TGM7: variants seen among roughly 807,000 people sequenced by gnomAD.
The protein encoded by TGM7 is transglutaminase 7.
A neutral mutation model predicts 79.5 loss-of-function variants in TGM7; 74 were observed. The ratio of observed to expected loss-of-function variants is 0.93; its 90% CI spans 0.77 to 1.13. The LOEUF is 1.13. Among genes scored for constraint, TGM7 ranks in the 50% most tolerant of loss-of-function variants. TGM7 has a pLI of 0.00. For missense variants in TGM7, 912 were observed against 905.9 expected (o/e 1.01, Z -0.09); for synonymous variants, 354 against 362.5 (o/e 0.98, Z 0.27).
chr15:43,296,159 C>G (rs748646643), intron 1 of TGM7, among the ~76,000 whole-genome samples: 27 of 152,172 alleles, frequency 1.8e-4, no homozygotes, highest in Non-Finnish European at 3.5e-4. Context: ...GGTGAGGTGG[C>G]TCACGCCTGT....
chr15:43,290,690 C>T (rs2042959591), intron 4 of TGM7, among the ~76,000 whole-genome samples: 1 of 152,138 alleles, frequency 6.6e-6, no homozygotes, highest in Admixed American at 6.6e-5. Flanking sequence ...ATTCTTCCTA[C>T]CCATGAGCAT....
chr15:43,287,504 A>G, intron 5 of TGM7, 37 bp downstream of exon 5: 1 of 1,613,128 alleles, frequency 6.2e-7, no homozygotes, highest in South Asian at 1.1e-5. Flanking sequence ...GGGGAAGCTC[A>G]GACTGTCCTC....
At chr15:43,285,557 T>C (rs543115672) in intron 6 of TGM7, among the ~76,000 whole-genome samples, 1 of 152,108 alleles carries the variant, frequency 6.6e-6, no homozygotes, top group Non-Finnish European at 1.5e-5. Flanking sequence ...TTCATCACCC[T>C]CCTCCCACCC....
intron 4 of TGM7, among the ~76,000 whole-genome samples, chr15:43,289,868 A>G (rs2042955542): frequency 6.6e-6 from 1 of 152,112 alleles, no homozygotes; most frequent in South Asian, 2.1e-4. Context: ...TCTTCTTTTG[A>G]GAAGTGTCTG....
At chr15:43,294,142 G>A (rs2042981115) in intron 1 of TGM7, among the ~76,000 whole-genome samples, 1 of 152,150 alleles carries the variant, frequency 6.6e-6, no homozygotes, top group Admixed American at 6.5e-5. Context: ...AAACATACTA[G>A]GATTTTGTAT....
At position 43,284,853 on chromosome 15, in the gene TGM7, T is replaced by A; in HGVS notation, c.965A>T (p.Asn322Ile). 1 of 1,614,192 alleles carries A rather than the reference T, an allele frequency of 6.2e-7. No individual in the cohort carries two copies. Reference protein sequence around the residue: ...NLTIDTYYDRNAEMLSTQKRD... With the variant: ...NLTIDTYYDRIAEMLSTQKRD... Reference sequence around the variant, plus strand: ...TTTCTGAGTTGACAGCATCTCGGCATTTCGGTCATAGTACGTATCGATGGT... The same window carrying A: ...TTTCTGAGTTGACAGCATCTCGGCAATTCGGTCATAGTACGTATCGATGGT... Residue 322 changes from asparagine to isoleucine, a missense_variant, in exon 7 of 13, where the codon AAT becomes ATT. Asn to Ile is a moderately radical substitution (Grantham distance 149). Coordinates refer to ENST00000452443, the MANE Select transcript of TGM7 (RefSeq NM_052955.3).
At chr15:43,289,062 CTT>C (rs796761551) in intron 4 of TGM7, among the ~76,000 whole-genome samples, 4 of 145,974 alleles carry the variant, frequency 2.7e-5, no homozygotes, top group African/African-American at 7.5e-5. Context: ...AGGTCTCTGT[CTT>C]TTTTTTTTTT....
In TGM7 at chr15:43,281,883, G is replaced by A; in HGVS notation, c.1312C>T (p.Gln438Ter). 1 of 1,614,184 alleles carries A rather than the reference G, an allele frequency of 6.2e-7. No individual in the cohort carries two copies. Among genetic ancestry groups the A allele is most frequent in the Non-Finnish European group, 8.5e-7 (1 of 1,180,028 alleles). ...EISTKMVGSD[Q>*]RQSITSSYKY... ...TAGGAGCTGGTGATGCTCTGGCGCT[G>A]GTCTGACCCCACCATCTTAGTGCTG... Residue 438 changes from glutamine to a stop codon, truncating the protein, a stop_gained, in exon 9 of 13, where the codon CAG (glutamine) becomes TAG (stop). Coordinates refer to ENST00000452443, the MANE Select transcript of TGM7 (RefSeq NM_052955.3). LOFTEE classifies it high-confidence loss of function.
At position 43,276,459 on chromosome 15, in the gene TGM7, G is replaced by C; in HGVS notation, c.2129C>G (p.Pro710Arg). 6.2e-7 allele frequency: 1 copy of C among 1,611,906 alleles called. No individual in the cohort carries two copies. The highest frequency in any genetic ancestry group is 8.5e-7 in the Non-Finnish European group (1 of 1,178,836). ...AGGGCAGCTGGAGGGCGGGTCTCAGGGAGCCCCAGCCACAGTGACGAAGAT... is the reference window on the plus strand; with the variant it reads ...AGGGCAGCTGGAGGGCGGGTCTCAGCGAGCCCCAGCCACAGTGACGAAGAT... ...KDIFVTVAGAP is the reference protein window; with the variant it reads ...KDIFVTVAGAR The change falls in exon 13 of 13, where the codon CCC becomes CGC. Residue 710 changes from proline to arginine, a missense_variant. Transcript: ENST00000452443.
intron 3 of TGM7, 32 bp from the exon 4 acceptor site, chr15:43,292,129 ACCCC>A (rs1406794333): frequency 2.0e-5 from 30 of 1,471,168 alleles, no homozygotes; most frequent in Middle Eastern, 1.7e-4. Context: ...AGGGGGCAAA[ACCCC>A]AAACCAAAAA....
chr15:43,302,174 C>A, intron 1 of TGM7, 67 bp downstream of exon 1: 1 of 1,598,966 alleles, frequency 6.3e-7, no homozygotes, highest in Non-Finnish European at 8.6e-7. Context: ...ATCCTCTACC[C>A]TCTCCAAACT....
At chr15:43,284,148 G>A (rs1388938874) in intron 7 of TGM7, among the ~76,000 whole-genome samples, 1 of 152,132 alleles carries the variant, frequency 6.6e-6, no homozygotes, top group Non-Finnish European at 1.5e-5. Flanking sequence ...GCAGTGAGCT[G>A]AGTTCGCACC....
At chr15:43,288,497 CTT>C (rs549174189) in intron 4 of TGM7, among the ~76,000 whole-genome samples, 1 of 149,158 alleles carries the variant, frequency 6.7e-6, no homozygotes. Context: ...AATTACTATT[CTT>C]TTTTTTTTCC....
At position 43,292,005 on chromosome 15, in the gene TGM7, T is replaced by C; in HGVS notation, c.532A>G (p.Thr178Ala). Reference sequence around the variant, plus strand: ...TGCCCGTAGTTCCAGGGCCAGGAGGTGATGAATCTTTCATGACCCTTGTAA... The same window carrying C: ...TGCCCGTAGTTCCAGGGCCAGGAGGCGATGAATCTTTCATGACCCTTGTAA... The part of the protein sequence containing the change: ...FVYKGHERFI[T>A]SWPWNYGQFE... The change falls in exon 4 of 13, where the codon ACC becomes GCC. Residue 178 changes from threonine (T) to alanine (A), a missense_variant. Thr to Ala is a moderately conservative substitution (Grantham distance 58, BLOSUM62 0). Coordinates refer to ENST00000452443, the MANE Select transcript of TGM7 (RefSeq NM_052955.3). The C allele has an allele frequency of 6.2e-7, 1 of 1,613,854 alleles. No homozygotes were observed. Among genetic ancestry groups the C allele is most frequent in the Non-Finnish European group, 8.5e-7 (1 of 1,179,914 alleles).
rs374003297 is a variant in TGM7, at chr15:43,279,714, C to G, written c.1589G>C (p.Arg530Pro). 6.2e-7 allele frequency: 1 copy of G among 1,613,974 alleles called. No homozygotes were observed. The highest frequency in any genetic ancestry group is 8.5e-7 in the Non-Finnish European group (1 of 1,180,034). Residue 530 changes from arginine to proline, a missense_variant, in exon 10 of 13, where the codon CGC becomes CCC. By Grantham distance (103) the Arg-to-Pro change is moderately radical. Transcript: ENST00000452443. ...ATGCAGCAGGGCCTGTGCACAGAAG[C>G]GCACCACCAGTCCGATGGGCCCCCG... ...HPRGPIGLVV[R>P]FCAQALLHGG... is the part of the protein sequence containing the mutation.
chr15:43,292,590 G>A (rs751320165), intron 3 of TGM7, 119 bp downstream of exon 3: 1 of 1,251,278 alleles, frequency 8.0e-7, no homozygotes, highest in Non-Finnish European at 1.1e-6. Flanking sequence ...TTTTGTGAGA[G>A]CACACGCTAC....
At chr15:43,288,660 G>T (rs888880448) in intron 4 of TGM7, among the ~76,000 whole-genome samples, 2 of 152,102 alleles carry the variant, frequency 1.3e-5, no homozygotes, top group Non-Finnish European at 2.9e-5. Context: ...AAATTTGCCG[G>T]CAGCAGTGGC....
At position 43,282,025 on chromosome 15, in the gene TGM7, G is replaced by A. The variant is rs267604216; in HGVS notation, c.1170C>T (p.Ala390=). ...CGGCATACACAAAAGGGGTGTCATA[G>A]GCCAGGTGGACATCCCCTTCCCTGA... ...KAIREGDVHL[A]YDTPFVYAEV... is the part of the protein sequence containing the mutation. The change falls in exon 9 of 13, where the codon GCC becomes GCT. Residue 390 remains alanine (A), a synonymous_variant. Coordinates refer to ENST00000452443, the MANE Select transcript of TGM7 (RefSeq NM_052955.3). 6 of 1,614,180 alleles carry A rather than the reference G, an allele frequency of 3.7e-6. No homozygotes were observed. Among genetic ancestry groups the A allele is most frequent in the Non-Finnish European group, 5.1e-6 (6 of 1,180,038 alleles).
At chr15:43,296,281 C>T (rs554218192) in intron 1 of TGM7, among the ~76,000 whole-genome samples, 14 of 151,992 alleles carry the variant, frequency 9.2e-5, no homozygotes, top group African/African-American at 2.4e-4. Context: ...AAAAATTAGC[C>T]GGGCGTGGTG....
Sources: allele counts gnomAD v4.1 joint callset (sites outside exome capture counted in the v4.1 genomes callset), GRCh38; gene constraint gnomAD v4.1.1; transcripts MANE v1.5; gene names NCBI Gene and HGNC (gene_info 2026-07-23, HGNC 2026-07-21).